Variants in PRR16 observed in about 807,000 individuals in gnomAD.
PRR16 encodes the protein proline rich 16.
Under a neutral mutation model 18.2 loss-of-function variants are expected in PRR16, and 6 were observed. The observed-to-expected ratio is 0.33, with a 90% CI of 0.18 to 0.65. The LOEUF is 0.65. Ranked by LOEUF, PRR16 falls within the 30% of genes least tolerant of loss-of-function variation. PRR16 has a pLI of 0.74. For missense variants in PRR16, 412 were observed against 376.6 expected (o/e 1.09, Z -0.78); for synonymous variants, 151 against 147.8 (o/e 1.02, Z -0.16).
chr5:120,762,319 T>TAA, the PRR16 span, among the ~76,000 whole-genome samples: 2 of 152,156 alleles, frequency 1.3e-5, no homozygotes, highest in African/African-American at 4.8e-5. Flanking sequence ...TTGTATTAAT[T>TAA]TACATTCCTA....
At chr5:120,499,789 T>G (rs1472786504) in intron 1 of PRR16, among the ~76,000 whole-genome samples, 1 of 151,950 alleles carries the variant, frequency 6.6e-6, no homozygotes, top group African/African-American at 2.4e-5. Context: ...CCATTTCATT[T>G]GGGATCTTCC....
At chr5:120,523,414 G>T (rs1328492641) in intron 1 of PRR16, among the ~76,000 whole-genome samples, 3 of 152,070 alleles carry the variant, frequency 2.0e-5, no homozygotes, top group Admixed American at 1.3e-4. Context: ...GGCAAGTACT[G>T]TCTTGAGTTG....
chr5:120,498,848 T>G (rs1268744772), intron 1 of PRR16, among the ~76,000 whole-genome samples: 6 of 152,040 alleles, frequency 3.9e-5, no homozygotes, highest in Non-Finnish European at 2.9e-5. Context: ...GGTATGGCAT[T>G]TTCTTCTTGT....
At chr5:120,733,925 T>G in the PRR16 span, among the ~76,000 whole-genome samples, 1 of 152,164 alleles carries the variant, frequency 6.6e-6, no homozygotes, top group African/African-American at 2.4e-5. Flanking sequence ...TACTTAAAAG[T>G]TACATTTATT....
intron 1 of PRR16, among the ~76,000 whole-genome samples, chr5:120,657,099 T>C (rs755354559): frequency 1.3e-5 from 2 of 151,998 alleles, no homozygotes; most frequent in Non-Finnish European, 2.9e-5. Context: ...ATCAAACTGA[T>C]TTATTTCTTT....
intron 1 of PRR16, among the ~76,000 whole-genome samples, chr5:120,653,965 G>A (rs1026575263): frequency 3.9e-5 from 6 of 152,002 alleles, no homozygotes; most frequent in African/African-American, 1.4e-4. Flanking sequence ...ACAAATTACT[G>A]ATTCTTCTTC....
intron 1 of PRR16, among the ~76,000 whole-genome samples, chr5:120,540,853 C>A (rs149983411): frequency 3.0e-3 from 434 of 142,750 alleles, no homozygotes; most frequent in African/African-American, 0.01. Context: ...TATACTGCTA[C>A]TTTCTAACGT....
intron 1 of PRR16, among the ~76,000 whole-genome samples, chr5:120,658,691 A>G (rs1349656378): frequency 1.3e-5 from 2 of 151,988 alleles, no homozygotes; most frequent in African/African-American, 2.4e-5. Flanking sequence ...GATAAAATTT[A>G]TATAAGGAAC....
chr5:120,655,868 A>G (rs956662212), intron 1 of PRR16, among the ~76,000 whole-genome samples: 10 of 151,822 alleles, frequency 6.6e-5, no homozygotes, highest in African/African-American at 2.2e-4. Context: ...TATTCTTGGT[A>G]TCCATCATTC....
chr5:120,561,182 T>G (rs1752563761), intron 1 of PRR16, among the ~76,000 whole-genome samples: 1 of 152,036 alleles, frequency 6.6e-6, no homozygotes, highest in African/African-American at 2.4e-5. Flanking sequence ...CTCTTTCATT[T>G]TTAGTTCTTT....
intron 1 of PRR16, among the ~76,000 whole-genome samples, chr5:120,544,242 T>A (rs1253410865): frequency 6.6e-6 from 1 of 152,188 alleles, no homozygotes; most frequent in East Asian, 1.9e-4. Flanking sequence ...CCCAGAGGAA[T>A]GCCAGATCTT....
chr5:120,574,652 T>C (rs1753017322), intron 1 of PRR16, among the ~76,000 whole-genome samples: 1 of 148,512 alleles, frequency 6.7e-6, no homozygotes, highest in South Asian at 2.1e-4. Flanking sequence ...TAACCATAAA[T>C]ATATGAAACA....
rs376905734 is a variant in PRR16 at position 120,669,368 on chromosome 5, A to C, written c.160-16586A>C. On this transcript the variant is annotated intron_variant, in intron 1 of 1. Transcript: ENST00000407149. ...GTGTGTTCATACACCTCCCCCATTT[A>C]GTTTGCCAACTCTACTTTGTCATGT... is the stretch of plus-strand genomic sequence containing the variant. Among the ~76,000 whole-genome samples the C allele has an allele frequency of 3.3e-5, 5 of 152,052 alleles. No individual in the cohort carries two copies. In the East Asian group the frequency reaches 5.8e-4, roughly 18 times the overall value.
chr5:120,645,863 A>G (rs1755575486), intron 1 of PRR16, among the ~76,000 whole-genome samples: 1 of 151,826 alleles, frequency 6.6e-6, no homozygotes, highest in East Asian at 1.9e-4. Context: ...TACACCATGT[A>G]ATCTTGTGGA....
the PRR16 span, among the ~76,000 whole-genome samples, chr5:120,722,318 G>T: frequency 6.6e-6 from 1 of 151,922 alleles, no homozygotes; most frequent in Non-Finnish European, 1.5e-5. Flanking sequence ...TATATCTCAG[G>T]GTTAAGCATT....
intron 1 of PRR16, among the ~76,000 whole-genome samples, chr5:120,651,955 C>G (rs1441359272): frequency 6.6e-6 from 1 of 151,978 alleles, no homozygotes; most frequent in Non-Finnish European, 1.5e-5. Flanking sequence ...TTCTTCCTAC[C>G]CATGAGCATG....
chr5:120,588,543 C>A (rs1426975908), intron 1 of PRR16, among the ~76,000 whole-genome samples: 2 of 152,178 alleles, frequency 1.3e-5, no homozygotes, highest in African/African-American at 4.8e-5. Flanking sequence ...TGACCATTAA[C>A]ATTTTTAGAA....
At chr5:120,673,776 A>G (rs1756695470) in intron 1 of PRR16, among the ~76,000 whole-genome samples, 1 of 151,086 alleles carries the variant, frequency 6.6e-6, no homozygotes, top group African/African-American at 2.4e-5. Context: ...CCATATCTAA[A>G]AAAAATAAAA....
Position 120,464,422 on chromosome 5 carries a change from G to T in PRR16, c.-65G>T, listed in dbSNP as rs1749008966. On this transcript the variant is annotated 5_prime_UTR_variant, in exon 1 of 2. Transcript: ENST00000407149. Reference sequence around the variant, plus strand: ...CGGCAGCGGCCGTAGCAGCGCCAGGGACGGGGGCACGCAGCAGCCTCCGCT... The same window carrying T: ...CGGCAGCGGCCGTAGCAGCGCCAGGTACGGGGGCACGCAGCAGCCTCCGCT... 1.3e-6 allele frequency: 2 copies of T among 1,486,938 alleles called. No homozygotes were observed. 92.1% of individuals were successfully genotyped at this position (1,486,938 alleles called of 1,614,324 possible).
Sources: allele counts gnomAD v4.1 joint callset (sites outside exome capture counted in the v4.1 genomes callset), GRCh38; gene constraint gnomAD v4.1.1; transcripts MANE v1.5; gene names NCBI Gene and HGNC (gene_info 2026-07-23, HGNC 2026-07-21).